The following POLD2 variants were observed in gnomAD, a reference collection of about 807,000 sequenced individuals.
POLD2 encodes the protein DNA polymerase delta 2, accessory subunit, also known as DNA polymerase delta subunit 2.
POLD2 carries 31 observed loss-of-function variants against 48.8 expected under a neutral mutation model. The observed-to-expected ratio is 0.64, with a 90% CI of 0.48 to 0.86. The LOEUF (loss-of-function observed/expected upper bound fraction) is 0.86, where lower values mean the gene tolerates loss of function less well. Ranked by LOEUF, POLD2 falls within the 40% of genes least tolerant of loss-of-function variation. The pLI, the probability that POLD2 is intolerant of heterozygous loss-of-function variation, is 0.00. For synonymous variants in POLD2, 233 were observed against 256.3 expected, an observed-to-expected ratio of 0.91 and a Z score of 0.87; for missense variants, 455 against 610.1, an observed-to-expected ratio of 0.75 and a Z score of 2.68.
chr7:44,115,791 G>A lies in POLD2; in HGVS notation c.1122C>T (p.Ile374=), dbSNP rs761345266. Residue 374 remains isoleucine, a synonymous_variant, in exon 9 of 11, where the codon ATC becomes ATT. Transcript: ENST00000610533. Reference sequence around the variant, plus strand: ...CTAGAGTGTCAGGGGCTGTGGGGCTGATGTGACGGACCCGCAGGGTCCACT... The same window carrying A: ...CTAGAGTGTCAGGGGCTGTGGGGCTAATGTGACGGACCCGCAGGGTCCACT... ...ILEWTLRVRH[I]SPTAPDTLGC... 1.2e-6 allele frequency: 2 copies of A among 1,613,976 alleles called. No individual in the cohort carries two copies. The highest frequency in any genetic ancestry group is 1.7e-6 in the Non-Finnish European group (2 of 1,179,990).
Position 44,116,271 on chromosome 7 carries a change from G to A in POLD2, c.863C>T (p.Ala288Val). ...MLDEILLQLSASVPVDVMPGE... is the reference protein window; with the variant it reads ...MLDEILLQLSVSVPVDVMPGE... ...TGGCATCACGTCCACGGGCACTGAG[G>A]CCTGGAAGGCACAGGGCAGGGAGAG... is the stretch of plus-strand genomic sequence containing the variant. The change falls in exon 8 of 11, where the codon GCC becomes GTC. Residue 288 changes from alanine to valine, a missense_variant and splice_region_variant. Transcript: ENST00000610533. This position sits in a 1 kb window ranked among gnomAD's most constrained non-coding sequence, Gnocchi z 6.1. 6.2e-7 allele frequency: 1 copy of A among 1,608,286 alleles called. No individual in the cohort carries two copies. The highest frequency in any genetic ancestry group is 8.5e-7 in the Non-Finnish European group (1 of 1,176,732).
At chr7:44,123,742 G>T, upstream of POLD2, 2 of 1,329,186 alleles carry the variant, frequency 1.5e-6, no homozygotes, top group Non-Finnish European at 1.9e-6. Flanking sequence ...CGGGGCGGGG[G>T]CTCGCAGGCC....
At position 44,114,733 on chromosome 7, in the gene POLD2, G is replaced by A; in HGVS notation, c.*52C>T. The stretch of plus-strand genomic sequence containing the variant: ...CTTTATTTACAATGCCGACACTGCA[G>A]GGAATGAACAGCCTCCATCTGGGCC... On this transcript the variant is annotated 3_prime_UTR_variant, in exon 11 of 11. Coordinates refer to ENST00000610533, the MANE Select transcript of POLD2 (RefSeq NM_006230.4). 1.9e-6 allele frequency: 3 copies of A among 1,542,500 alleles called. No individual in the cohort carries two copies. The highest frequency in any genetic ancestry group is 2.7e-6 in the Non-Finnish European group (3 of 1,131,578).
intron 1 of POLD2, 31 bp downstream of exon 1, chr7:44,123,480 A>G: frequency 6.7e-7 from 1 of 1,493,506 alleles, no homozygotes; most frequent in Non-Finnish European, 8.9e-7. Context: ...TGCCACCCCC[A>G]GCTGACCCCG....
At chr7:44,117,585 T>G in intron 4 of POLD2, 34 bp downstream of exon 4, 2 of 1,582,018 alleles carry the variant, frequency 1.3e-6, no homozygotes, top group Non-Finnish European at 1.7e-6. Flanking sequence ...GCTCTTCACC[T>G]GCATCACCCA....
In POLD2 at chr7:44,116,887, T is replaced by C; in HGVS notation, c.710A>G (p.His237Arg). 6.2e-7 allele frequency: 1 copy of C among 1,613,946 alleles called. No homozygotes were observed. Among genetic ancestry groups the C allele is most frequent in the Non-Finnish European group, 8.5e-7 (1 of 1,180,002 alleles). Residue 237 changes from histidine to arginine, a missense_variant, in exon 6 of 11, where the codon CAC becomes CGC. By Grantham distance (29) the His-to-Arg change is conservative. This residue lies in a region of POLD2 where 349 missense variants were observed against 437.4 expected (regional missense o/e 0.80). Coordinates refer to ENST00000610533, the MANE Select transcript of POLD2 (RefSeq NM_006230.4). This position sits in a 1 kb window ranked among gnomAD's most constrained non-coding sequence, Gnocchi z 6.1. ...GDEGEQCSAA[H>R]VSRVILAGNL... is the part of the protein sequence containing the mutation. ...GCCAGCGAGGATAACCCGGGAGACG[T>C]GGGCGGCGCTGCACTGCTCCCCTTC... is the stretch of plus-strand genomic sequence containing the variant.
chr7:44,115,574 G>T, intron 9 of POLD2, 178 bp from the exon 10 acceptor site: 1 of 744,562 alleles, frequency 1.3e-6, no homozygotes, highest in Non-Finnish European at 2.2e-6. Flanking sequence ...GCCCGTTGGG[G>T]TGGGCAGCCA....
At chr7:44,119,323 C>T (rs987769438) in intron 2 of POLD2, among the ~76,000 whole-genome samples, 6 of 152,144 alleles carry the variant, frequency 3.9e-5, no homozygotes, top group South Asian at 2.1e-4. Flanking sequence ...CAGGACAACG[C>T]GGATGCCAGA....
chr7:44,122,574 T>C (rs2128813092), intron 1 of POLD2: 1 of 493,344 alleles, frequency 2.0e-6, no homozygotes, highest in East Asian at 1.5e-4. Context: ...AATCAGTCAC[T>C]GCTCTGTTCA....
intron 1 of POLD2, 29 bp downstream of exon 1, chr7:44,123,482 C>T (rs928180315): frequency 8.7e-6 from 13 of 1,496,950 alleles, no homozygotes; most frequent in Non-Finnish European, 1.1e-5. Flanking sequence ...CCACCCCCAG[C>T]TGACCCCGTT....
In POLD2 at chr7:44,122,005, G is replaced by A. The variant is rs1239771264; in HGVS notation, c.49C>T (p.Pro17Ser). The A allele has an allele frequency of 6.2e-7, 1 of 1,613,624 alleles. No homozygotes were observed. Among genetic ancestry groups the A allele is most frequent in the Non-Finnish European group, 8.5e-7 (1 of 1,180,046 alleles). The change falls in exon 2 of 11, where the codon CCA becomes TCA. Residue 17 changes from proline to serine, a missense_variant. By Grantham distance (74) the Pro-to-Ser change is moderately conservative. Transcript: ENST00000610533. ...AQRAHTLLSP[P>S]SANNATFARV... The stretch of plus-strand genomic sequence containing the variant: ...GCAAAGGTGGCATTGTTGGCTGATG[G>A]TGGGGACAGTAGAGTGTGGGCCCTC...
chr7:44,118,138 A>G, intron 2 of POLD2, 74 bp from the exon 3 acceptor site: 2 of 1,566,216 alleles, frequency 1.3e-6, no homozygotes, highest in Non-Finnish European at 1.7e-6. Flanking sequence ...GGCCCTGCCC[A>G]GCACTCCATG....
At chr7:44,115,459 G>A (rs1292971615) in intron 9 of POLD2, 63 bp from the exon 10 acceptor site, 5 of 1,076,182 alleles carry the variant, frequency 4.6e-6, no homozygotes, top group African/African-American at 1.6e-5. Context: ...TGCACAGGAT[G>A]TGGGGCTGCA....
chr7:44,123,762 G>A (rs1239354798), upstream of POLD2: 7 of 1,299,976 alleles, frequency 5.4e-6, no homozygotes, highest in East Asian at 9.5e-5. Flanking sequence ...CGGCGCCGCG[G>A]GTCTTTGGTT....
Position 44,123,523 on chromosome 7 carries a change from C to T in POLD2, c.-69G>A. The T allele has an allele frequency of 6.7e-7, 1 of 1,482,328 alleles. No individual in the cohort carries two copies. Among genetic ancestry groups the T allele is most frequent in the Non-Finnish European group, 8.9e-7 (1 of 1,123,970 alleles). The allele number at this position is 1,482,328 out of a possible 1,614,324, so 91.8% of individuals were successfully genotyped here. A position where few individuals can be genotyped will look rare whatever the true frequency, so the allele number is the denominator to read the frequency against. On this transcript the variant is annotated 5_prime_UTR_variant, in exon 1 of 11. Coordinates refer to ENST00000610533, the MANE Select transcript of POLD2 (RefSeq NM_006230.4). ...GGACCCCACTCACCGCGCGGCGCGC[C>T]GCATCCCGCCAATCCCCGCGCGCCT...
At chr7:44,117,569 C>A in intron 4 of POLD2, 50 bp downstream of exon 4, 1 of 1,567,964 alleles carries the variant, frequency 6.4e-7, no homozygotes, top group South Asian at 1.2e-5. Flanking sequence ...AACACACCAC[C>A]GCTGGGCTCT....
intron 8 of POLD2, 106 bp from the exon 9 acceptor site, chr7:44,115,999 G>A: frequency 6.3e-7 from 1 of 1,597,798 alleles, no homozygotes; most frequent in Admixed American, 1.7e-5. Flanking sequence ...AGAAGGAACA[G>A]ATGCTAGGTG....
intron 9 of POLD2, 88 bp downstream of exon 9, chr7:44,115,678 G>T: frequency 1.4e-6 from 2 of 1,441,032 alleles, no homozygotes; most frequent in Non-Finnish European, 1.9e-6. Flanking sequence ...GCTGGCAAGT[G>T]CAAACCCACA....
At chr7:44,118,628 T>C (rs983528244) in intron 2 of POLD2, among the ~76,000 whole-genome samples, 2 of 151,980 alleles carry the variant, frequency 1.3e-5, no homozygotes, top group Non-Finnish European at 2.9e-5. Flanking sequence ...TTCTCCTGCC[T>C]CAGCCTCCCG....
Sources: gnomAD v4.1 joint callset for allele counts (sites outside exome capture counted in the v4.1 genomes callset) on GRCh38, gnomAD v4.1.1 for gene constraint, gnomAD v4.1.1 regional missense constraint, Gnocchi (gnomAD v3.1) non-coding constraint, MANE v1.5 for transcripts, NCBI Gene and HGNC (gene_info 2026-07-23, HGNC 2026-07-21) for gene names.